The following ARMC8 variants were observed in gnomAD, a reference collection of about 807,000 sequenced individuals.
ARMC8 encodes the protein armadillo repeat containing 8.
In ARMC8, 20 loss-of-function variants were observed where a neutral mutation model predicts 99.3. The ratio of observed to expected loss-of-function variants is 0.20; its 90% confidence interval spans 0.14 to 0.29. The LOEUF is 0.29. Among genes scored for constraint, ARMC8 ranks in the 10% least tolerant of loss-of-function variants. The pLI, the probability that ARMC8 is intolerant of heterozygous loss-of-function variation, is 1.00. For missense variants in ARMC8, 569 were observed against 809.5 expected (o/e 0.70, Z 3.60); for synonymous variants, 263 against 278.3 (o/e 0.95, Z 0.55).
chr3:138,248,441 A>G (rs1455768241), intron 12 of ARMC8, among the ~76,000 whole-genome samples: 2 of 152,346 alleles, frequency 1.3e-5, no homozygotes, highest in East Asian at 3.9e-4. Context: ...CTAGTTTCTA[A>G]TGATAGCCTT....
chr3:138,212,443 G>A (rs1328293291), intron 2 of ARMC8, among the ~76,000 whole-genome samples: 1 of 151,580 alleles, frequency 6.6e-6, no homozygotes, highest in African/African-American at 2.4e-5. Context: ...CCGAGTAGCA[G>A]GGATTACAGG....
chr3:138,235,326 A>G (rs1242465218), intron 7 of ARMC8, among the ~76,000 whole-genome samples: 2 of 151,786 alleles, frequency 1.3e-5, no homozygotes, highest in Non-Finnish European at 2.9e-5. Flanking sequence ...CAGTTGTACC[A>G]TGAGTTCTTA....
intron 11 of ARMC8, among the ~76,000 whole-genome samples, chr3:138,243,762 A>G (rs2046746139): frequency 6.6e-6 from 1 of 152,192 alleles, no homozygotes; most frequent in Non-Finnish European, 1.5e-5. Flanking sequence ...AAGTCTCATC[A>G]TTGATCAAGC....
chr3:138,245,288 A>C, intron 12 of ARMC8, 105 bp downstream of exon 12: 1 of 1,604,092 alleles, frequency 6.2e-7, no homozygotes. Context: ...CTGTTTGAAT[A>C]TAATAAAGCA....
chr3:138,237,526 T>C lies in ARMC8; in HGVS notation c.730T>C (p.Leu244=). ...GTTACCACAGATTTTTGTGAAGATG[T>C]TACAGAGGGATAAGCCTATTGAGAT... is the stretch of plus-strand genomic sequence containing the variant. ...ELLPQIFVKM[L]QRDKPIEMQL... is the part of the protein sequence containing the mutation. The change falls in exon 9 of 22, where the codon TTA becomes CTA. Residue 244 remains leucine, a synonymous_variant. Transcript: ENST00000469044. The C allele has an allele frequency of 6.2e-7, 1 of 1,613,874 alleles. No individual in the cohort carries two copies. The highest frequency in any genetic ancestry group is 8.5e-7 in the Non-Finnish European group (1 of 1,179,986).
intron 1 of ARMC8, among the ~76,000 whole-genome samples, chr3:138,197,266 G>C (rs2043791527): frequency 6.6e-6 from 1 of 152,208 alleles, no homozygotes; most frequent in Non-Finnish European, 1.5e-5. Context: ...ACCAGCTGCT[G>C]CAAATGATGG....
At chr3:138,278,398 G>C (rs1020610140) in intron 18 of ARMC8, among the ~76,000 whole-genome samples, 1 of 151,994 alleles carries the variant, frequency 6.6e-6, no homozygotes, top group Non-Finnish European at 1.5e-5. Context: ...CAGCTACTCG[G>C]GAGGCTGAGG....
intron 6 of ARMC8, 164 bp downstream of exon 6, chr3:138,229,174 A>ATATATATATGTATATG (rs1175032855): frequency 2.6e-5 from 1 of 38,426 alleles, no homozygotes; most frequent in Non-Finnish European, 5.6e-5. Flanking sequence ...ATATATATAT[A>ATATATATATGTATATG]TATATATATG....
intron 12 of ARMC8, among the ~76,000 whole-genome samples, chr3:138,256,984 T>C (rs1248856145): frequency 6.6e-6 from 1 of 152,180 alleles, no homozygotes; most frequent in East Asian, 1.9e-4. Context: ...TCTGCTGCAG[T>C]TTGCCTGAAG....
At chr3:138,284,406 C>T (rs772267910) in intron 18 of ARMC8, 25 bp from the exon 19 acceptor site, 1 of 1,578,484 alleles carries the variant, frequency 6.3e-7, no homozygotes, top group South Asian at 1.1e-5. Flanking sequence ...GCTTTCCTGA[C>T]TGTTGGCCCT....
intron 2 of ARMC8, among the ~76,000 whole-genome samples, chr3:138,210,461 G>A (rs933042772): frequency 1.3e-5 from 2 of 152,120 alleles, no homozygotes; most frequent in African/African-American, 4.8e-5. Context: ...AAAATTAAGA[G>A]AAGCAAGTAG....
chr3:138,258,510 C>T (rs1007891322), intron 12 of ARMC8, among the ~76,000 whole-genome samples: 1 of 152,144 alleles, frequency 6.6e-6, no homozygotes, highest in Non-Finnish European at 1.5e-5. Context: ...TGTTGGAGTT[C>T]CTGTGTATAC....
intron 1 of ARMC8, chr3:138,187,896 C>T (rs1184836903): frequency 4.3e-6 from 2 of 467,262 alleles, no homozygotes; most frequent in Non-Finnish European, 7.7e-6. Flanking sequence ...GCGGCTTGGA[C>T]TTTGCCAAGC....
At chr3:138,243,399 C>T (rs183930177) in intron 11 of ARMC8, among the ~76,000 whole-genome samples, 18 of 152,158 alleles carry the variant, frequency 1.2e-4, no homozygotes, top group Admixed American at 7.9e-4. Flanking sequence ...GACACTAGAC[C>T]CGTAAAGAGA....
chr3:138,235,798 C>CTTTTTTTTTTTT (rs71146120), intron 7 of ARMC8, among the ~76,000 whole-genome samples: 10 of 80,540 alleles, frequency 1.2e-4, no homozygotes, highest in South Asian at 4.8e-4. Flanking sequence ...TCCTTTTAGT[C>CTTTTTTTTTTTT]TTTTTTTTTT....
chr3:138,273,193 C>G (rs1314190891), intron 17 of ARMC8, 77 bp downstream of exon 17: 2 of 1,403,828 alleles, frequency 1.4e-6, no homozygotes, highest in South Asian at 1.4e-5. Flanking sequence ...TCTCTGTGCT[C>G]TCATTAACAT....
At chr3:138,229,134 G>GTATATATATATATATATATATA (rs71146119) in intron 6 of ARMC8, 124 bp downstream of exon 6, 3 of 78,596 alleles carry the variant, frequency 3.8e-5, no homozygotes, top group African/African-American at 1.4e-4. Context: ...GTGTGTGCGT[G>GTATATATATATATATATATATA]TATATATATA....
Position 138,228,926 on chromosome 3 carries a change from A to G in ARMC8, c.444A>G (p.Thr148=), listed in dbSNP as rs760234875. ...TPEELLYTDA[T]VIPHLMALLS... ...GTGTTCTCCTTCCCTAGGATGCCAC[A>G]GTGATACCACACCTCATGGCACTGC... Residue 148 remains threonine, a synonymous_variant, in exon 6 of 22, where the codon ACA becomes ACG. Coordinates refer to ENST00000469044, the MANE Select transcript of ARMC8 (RefSeq NM_001363941.2). The G allele has an allele frequency of 1.9e-6, 3 of 1,606,470 alleles. No homozygotes were observed. The highest frequency in any genetic ancestry group is 2.2e-5 in the East Asian group (1 of 44,560).
rs200907842 is a variant in ARMC8 at position 138,209,828 on chromosome 3, T to C, written c.57T>C (p.Ala19=). The change falls in exon 2 of 22, where the codon GCT becomes GCC. Residue 19 remains alanine, a synonymous_variant. Transcript: ENST00000469044. ...CCCCCACTTTCTAGGAAGTAACAGC[T>C]AGCAGTCGCCACTATGTTGACAGGC... ...IRMSVLSEVT[A]SSRHYVDRLF... is the part of the protein sequence containing the mutation. 3.8e-5 allele frequency: 62 copies of C among 1,613,710 alleles called. No individual in the cohort carries two copies. The highest frequency in any genetic ancestry group is 5.1e-5 in the Non-Finnish European group (60 of 1,179,808).
Sources: gnomAD v4.1 joint callset for allele counts (sites outside exome capture counted in the v4.1 genomes callset) on GRCh38, gnomAD v4.1.1 for gene constraint, MANE v1.5 for transcripts, NCBI Gene and HGNC (gene_info 2026-07-23, HGNC 2026-07-21) for gene names.